Variants in CFAP54 observed in about 807,000 individuals in gnomAD.
CFAP54 encodes cilia- and flagella-associated protein 54.
In CFAP54, 290 loss-of-function variants were observed where a neutral mutation model predicts 370.4. The ratio of observed to expected loss-of-function variants is 0.78; its 90% CI spans 0.71 to 0.86. CFAP54 has a LOEUF of 0.86. Among genes scored for constraint, CFAP54 ranks in the 40% least tolerant of loss-of-function variants. CFAP54 has a pLI of 0.00. For missense variants in CFAP54, 3,399 were observed against 3,528.7 expected, an observed-to-expected ratio of 0.96 and a Z score of 0.93; for synonymous variants, 1,206 against 1,236.5, an observed-to-expected ratio of 0.98 and a Z score of 0.52.
chr12:96,834,470 G>A (rs1959179841), intron 66 of CFAP54, among the ~76,000 whole-genome samples: 1 of 152,252 alleles, frequency 6.6e-6, no homozygotes, highest in Admixed American at 6.5e-5. Context: ...CAAGCATGGG[G>A]TCTGGCCACT....
intron 50 of CFAP54, among the ~76,000 whole-genome samples, chr12:96,727,622 T>G (rs368803134): frequency 6.0e-5 from 9 of 150,568 alleles, no homozygotes; most frequent in African/African-American, 2.0e-4. Flanking sequence ...GGTCTTGACT[T>G]TTTATCCAAT....
At chr12:96,512,328 T>C (rs1382663098) in intron 4 of CFAP54, among the ~76,000 whole-genome samples, 1 of 35,988 alleles carries the variant, frequency 2.8e-5, no homozygotes, top group Non-Finnish European at 6.5e-5. Context: ...TATATATATA[T>C]ATATATATAT....
chr12:96,811,708 T>C (rs1958929878), intron 63 of CFAP54, 28 bp from the exon 64 acceptor site: 2 of 1,227,418 alleles, frequency 1.6e-6, no homozygotes, highest in South Asian at 2.9e-5. Context: ...TGATGTCACA[T>C]TTTATACCCC....
In CFAP54 at chr12:96,527,383, T is replaced by C; in HGVS notation, c.1296T>C (p.Asp432=). ...TGCAAACTGGACCCATTGTTACAGA[T>C]GAAGTGGAGATTCATGATGTTGTCT... The part of the protein sequence containing the change: ...RILQTGPIVT[D]EVEIHDVVSE... Residue 432 remains aspartate (D), a synonymous_variant, in exon 9 of 68, where the codon GAT becomes GAC. Coordinates refer to ENST00000524981, the MANE Select transcript of CFAP54 (RefSeq NM_001306084.2). 2.0e-6 allele frequency: 3 copies of C among 1,534,840 alleles called. No individual in the cohort carries two copies. The highest frequency in any genetic ancestry group is 2.6e-6 in the Non-Finnish European group (3 of 1,146,184).
intron 31 of CFAP54, 70 bp from the exon 32 acceptor site, chr12:96,630,481 G>T (rs1956595257): frequency 1.3e-6 from 1 of 790,744 alleles, no homozygotes; most frequent in South Asian, 2.4e-5. Flanking sequence ...AAGCATTAGA[G>T]TATGAATAAA....
intron 38 of CFAP54, among the ~76,000 whole-genome samples, chr12:96,662,859 A>G (rs549888880): frequency 6.6e-6 from 1 of 152,088 alleles, no homozygotes; most frequent in Non-Finnish European, 1.5e-5. Context: ...CTGTGAGGCT[A>G]TTCCACACTA....
intron 63 of CFAP54, among the ~76,000 whole-genome samples, chr12:96,799,336 G>C (rs1455431162): frequency 1.3e-5 from 2 of 152,132 alleles, no homozygotes; most frequent in Non-Finnish European, 2.9e-5. Context: ...TAAAACATTT[G>C]CCTTATAGTT....
chr12:96,563,945 G>A (rs576692995), intron 17 of CFAP54, among the ~76,000 whole-genome samples: 1 of 152,216 alleles, frequency 6.6e-6, no homozygotes, highest in East Asian at 1.9e-4. Flanking sequence ...TTGTATACCA[G>A]TATCAACAAC....
intron 14 of CFAP54, among the ~76,000 whole-genome samples, chr12:96,542,439 C>G (rs1330589337): frequency 6.6e-6 from 1 of 152,140 alleles, no homozygotes; most frequent in Non-Finnish European, 1.5e-5. Flanking sequence ...CTGAAATGTC[C>G]TGGATTAAAA....
At chr12:96,828,092 C>T (rs1959148659) in intron 65 of CFAP54, among the ~76,000 whole-genome samples, 2 of 133,394 alleles carry the variant, frequency 1.5e-5, no homozygotes, top group African/African-American at 5.7e-5. Flanking sequence ...TATATATTAT[C>T]AGAAAAGCAA....
intron 66 of CFAP54, among the ~76,000 whole-genome samples, chr12:96,842,170 T>C (rs1959224541): frequency 6.6e-6 from 1 of 152,228 alleles, no homozygotes; most frequent in South Asian, 2.1e-4. Context: ...TAAGTATTTG[T>C]GGCAGATAAT....
chr12:96,740,602 A>G (rs984761145), intron 51 of CFAP54, among the ~76,000 whole-genome samples: 1 of 152,252 alleles, frequency 6.6e-6, no homozygotes, highest in African/African-American at 2.4e-5. Context: ...GATTCATCAT[A>G]TAGAACCCTT....
intron 66 of CFAP54, among the ~76,000 whole-genome samples, chr12:96,839,302 C>T (rs1565998624): frequency 6.6e-6 from 1 of 152,324 alleles, no homozygotes; most frequent in East Asian, 1.9e-4. Flanking sequence ...ACTCTTAGAA[C>T]AGTGCCTGCC....
rs146750180 is a variant in CFAP54, at chr12:96,677,627, C to T, written c.5564-1973C>T. ...GATGGTGGGGACAGGGCAGAGCAGA[C>T]AGGAGACTGAAACTGGTAAGGAAGA... is the stretch of plus-strand genomic sequence containing the variant. On this transcript the variant is annotated intron_variant, in intron 39 of 67. Coordinates refer to ENST00000524981, the MANE Select transcript of CFAP54 (RefSeq NM_001306084.2). Among the ~76,000 whole-genome samples the T allele has an allele frequency of 7.2e-5, 11 of 152,186 alleles. No individual in the cohort carries two copies. In the East Asian group the frequency reaches 1.7e-3, roughly 24 times the overall value.
chr12:96,707,897 C>T (rs1007073759), intron 47 of CFAP54, among the ~76,000 whole-genome samples: 7 of 151,768 alleles, frequency 4.6e-5, no homozygotes, highest in African/African-American at 1.5e-4. Context: ...GAGAGAAGGG[C>T]GCAAAATGGT....
chr12:96,719,456 C>T (rs540944134), intron 49 of CFAP54, among the ~76,000 whole-genome samples: 1 of 152,190 alleles, frequency 6.6e-6, no homozygotes, highest in South Asian at 2.1e-4. Flanking sequence ...CTGCTATTTA[C>T]TATTGATTGT....
intron 32 of CFAP54, among the ~76,000 whole-genome samples, chr12:96,638,146 TAA>T (rs1956680389): frequency 1.3e-5 from 2 of 151,532 alleles, no homozygotes; most frequent in South Asian, 4.2e-4. Context: ...CCAGAAAACA[TAA>T]ACATTTAAGT....
intron 67 of CFAP54, among the ~76,000 whole-genome samples, chr12:96,861,821 A>C (rs1489140908): frequency 6.6e-6 from 1 of 152,198 alleles, no homozygotes; most frequent in South Asian, 2.1e-4. Flanking sequence ...TTTCCCTGCC[A>C]AATTGGAAAA....
chr12:96,827,860 T>G (rs1425079120), intron 65 of CFAP54, among the ~76,000 whole-genome samples: 1 of 112,800 alleles, frequency 8.9e-6, no homozygotes, highest in Non-Finnish European at 1.7e-5. Context: ...ATATAATACA[T>G]AGTAATATAT....
Sources: gnomAD v4.1 joint callset for allele counts (sites outside exome capture counted in the v4.1 genomes callset) on GRCh38, gnomAD v4.1.1 for gene constraint, MANE v1.5 for transcripts, NCBI Gene and HGNC (gene_info 2026-07-23, HGNC 2026-07-21) for gene names.